The following DOCK1 variants were observed in gnomAD, a reference collection of about 807,000 sequenced individuals.
DOCK1 encodes dedicator of cytokinesis protein 1.
Under a neutral mutation model 262.7 loss-of-function variants are expected in DOCK1, and 138 were observed. That is an observed-to-expected ratio of 0.53 (90% CI 0.46 to 0.61). The LOEUF is 0.61. Among genes scored for constraint, DOCK1 ranks in the 20% least tolerant of loss-of-function variants. The probability of loss-of-function intolerance (pLI) is 0.00; values close to 1 mark genes in which losing one functional copy is unlikely to be tolerated. For missense variants in DOCK1, 1,908 were observed against 2,370.7 expected, an observed-to-expected ratio of 0.80 and a Z score of 4.05; for synonymous variants, 866 against 867.4, an observed-to-expected ratio of 1.00 and a Z score of 0.03.
chr10:127,283,536 A>C (rs984772021), intron 29 of DOCK1, among the ~76,000 whole-genome samples: 1 of 152,224 alleles, frequency 6.6e-6, no homozygotes, highest in African/African-American at 2.4e-5. Context: ...AAGGAGTGAA[A>C]AGAGCACAAT....
chr10:127,237,034 A>G (rs1399047043), intron 27 of DOCK1, among the ~76,000 whole-genome samples: 3 of 152,142 alleles, frequency 2.0e-5, no homozygotes, highest in African/African-American at 7.2e-5. Flanking sequence ...CTAATTTTGT[A>G]TCATTTATCT....
chr10:127,248,898 A>G (rs915791530), intron 28 of DOCK1, among the ~76,000 whole-genome samples: 4 of 152,186 alleles, frequency 2.6e-5, no homozygotes, highest in African/African-American at 4.8e-5. Flanking sequence ...AGATTCTAAT[A>G]AGAGTACGAA....
Position 127,041,105 on chromosome 10 carries a change from T to C in DOCK1, c.2011-1520T>C, listed in dbSNP as rs193056971. Among the ~76,000 whole-genome samples, 77 of 152,314 alleles carry C rather than the reference T, an allele frequency of 5.1e-4. 1 individual carries two copies. The highest frequency in any genetic ancestry group is 9.7e-4 in the Non-Finnish European group (66 of 68,010). On this transcript the variant is annotated intron_variant, in intron 19 of 51. Coordinates refer to ENST00000623213, the MANE Select transcript of DOCK1 (RefSeq NM_001290223.2). ...TCAGTGCTTCACACCTTTTTTTGTT[T>C]TGAGATGAAGTTGTGCTCTTGTTGG...
intron 27 of DOCK1, among the ~76,000 whole-genome samples, chr10:127,206,086 T>C (rs1589940929): frequency 6.6e-6 from 1 of 152,032 alleles, no homozygotes; most frequent in Admixed American, 6.6e-5. Context: ...AAAAGGTGAC[T>C]TTTTAGAACA....
intron 23 of DOCK1, among the ~76,000 whole-genome samples, chr10:127,068,902 C>T (rs2046039264): frequency 6.6e-6 from 1 of 152,204 alleles, no homozygotes; most frequent in Non-Finnish European, 1.5e-5. Flanking sequence ...TACACATTGC[C>T]TCATGGCTGT....
Position 127,064,208 on chromosome 10 carries a change from A to C in DOCK1, c.2445+2432A>C, listed in dbSNP as rs2045713923. ...CAAACGGTTGGTACCTTCCCGGTTC[A>C]AGTGATTCTCCTGCCTCATCCTCCC... On this transcript the variant is annotated intron_variant, in intron 23 of 51. Transcript: ENST00000623213. Among the ~76,000 whole-genome samples, 3 of 152,280 alleles carry C rather than the reference A, an allele frequency of 2.0e-5. No homozygotes were observed. In the South Asian group the frequency reaches 6.2e-4, roughly 32 times the overall value.
At chr10:127,068,651 C>T (rs562980455) in intron 23 of DOCK1, among the ~76,000 whole-genome samples, 2 of 152,204 alleles carry the variant, frequency 1.3e-5, no homozygotes, top group Admixed American at 6.5e-5. Flanking sequence ...CCAGAGATTA[C>T]ACTGTTAGCA....
intron 21 of DOCK1, among the ~76,000 whole-genome samples, chr10:127,051,040 AATAT>A (rs1326223981): frequency 1.1e-4 from 16 of 152,254 alleles, no homozygotes; most frequent in African/African-American, 3.8e-4. Context: ...TTAAGCTCCT[AATAT>A]ATAGTTTATT....
chr10:127,183,689 TG>T (rs897929498), intron 27 of DOCK1, among the ~76,000 whole-genome samples: 3 of 152,208 alleles, frequency 2.0e-5, no homozygotes, highest in Non-Finnish European at 2.9e-5. Flanking sequence ...AGCTATTCAT[TG>T]CAAGTGTGCA....
At chr10:127,365,430 C>A (rs1300469040) in intron 33 of DOCK1, among the ~76,000 whole-genome samples, 1 of 152,182 alleles carries the variant, frequency 6.6e-6, no homozygotes. Flanking sequence ...ATTGGAACTA[C>A]AAATTATAAT....
chr10:127,088,148 A>G (rs1229926069), intron 23 of DOCK1, among the ~76,000 whole-genome samples: 6 of 152,118 alleles, frequency 3.9e-5, no homozygotes, highest in Admixed American at 1.3e-4. Flanking sequence ...AGGGCCTCAT[A>G]TTTTTCTTTA....
intron 11 of DOCK1, among the ~76,000 whole-genome samples, chr10:127,011,308 C>T (rs1343145263): frequency 6.6e-6 from 1 of 152,214 alleles, no homozygotes; most frequent in Non-Finnish European, 1.5e-5. Flanking sequence ...GATTTATTAT[C>T]TCACAGGGTT....
At chr10:127,397,198 C>CTG in intron 38 of DOCK1, among the ~76,000 whole-genome samples, 2 of 116,876 alleles carry the variant, frequency 1.7e-5, no homozygotes, top group African/African-American at 6.9e-5. Flanking sequence ...GCAGCGTCTC[C>CTG]TGTGATCTGA....
At chr10:127,349,857 G>T (rs2063803257) in intron 31 of DOCK1, among the ~76,000 whole-genome samples, 1 of 152,038 alleles carries the variant, frequency 6.6e-6, no homozygotes, top group Non-Finnish European at 1.5e-5. Context: ...GTCTTCCTAT[G>T]TGTCTGTGTC....
At chr10:126,917,713 C>T (rs978476517) in intron 1 of DOCK1, among the ~76,000 whole-genome samples, 1 of 152,050 alleles carries the variant, frequency 6.6e-6, no homozygotes, top group Admixed American at 6.6e-5. Context: ...AGCTGAGGGC[C>T]CAGTGAGAAT....
chr10:127,213,816 C>T (rs1426993397), intron 27 of DOCK1, among the ~76,000 whole-genome samples: 1 of 152,178 alleles, frequency 6.6e-6, no homozygotes, highest in East Asian at 1.9e-4. Flanking sequence ...CTTATTCCAG[C>T]TGATCAGTAA....
intron 29 of DOCK1, among the ~76,000 whole-genome samples, chr10:127,259,288 G>A (rs2134976185): frequency 6.6e-6 from 1 of 152,330 alleles, no homozygotes; most frequent in South Asian, 2.1e-4. Context: ...TCGTCATCTA[G>A]AAAATGGTGG....
At chr10:127,430,847 A>G (rs2069234686) in intron 47 of DOCK1, among the ~76,000 whole-genome samples, 1 of 152,156 alleles carries the variant, frequency 6.6e-6, no homozygotes, top group African/African-American at 2.4e-5. Flanking sequence ...TGGCTGGCTC[A>G]AGGTGGGACG....
chr10:127,070,081 G>A (rs561080855), intron 23 of DOCK1, among the ~76,000 whole-genome samples: 6 of 151,942 alleles, frequency 3.9e-5, no homozygotes, highest in South Asian at 4.2e-4. Flanking sequence ...CCGTCTTCAC[G>A]CAGCACTCTC....
Sources: gnomAD v4.1 joint callset for allele counts (sites outside exome capture counted in the v4.1 genomes callset) on GRCh38, gnomAD v4.1.1 for gene constraint, MANE v1.5 for transcripts, NCBI Gene and HGNC (gene_info 2026-07-23, HGNC 2026-07-21) for gene names.